MTARC1: variants seen among roughly 807,000 people sequenced by gnomAD.
MTARC1 encodes mitochondrial amidoxime reducing component 1, also known as mitochondrial amidoxime-reducing component 1.
In MTARC1, 24 loss-of-function variants were observed where a neutral mutation model predicts 33.6. The observed-to-expected ratio is 0.72, with a 90% CI of 0.52 to 1.01. MTARC1 has a LOEUF of 1.01. MTARC1 is among the 50% of genes least tolerant of loss of function. The pLI is 0.00. For missense variants in MTARC1, 417 were observed against 445.7 expected (o/e 0.94, Z 0.58); for synonymous variants, 187 against 189.5 (o/e 0.99, Z 0.11).
intron 6 of MTARC1, among the ~76,000 whole-genome samples, chr1:220,812,658 A>C (rs1673171327): frequency 6.6e-6 from 1 of 152,162 alleles, no homozygotes; most frequent in Non-Finnish European, 1.5e-5. Flanking sequence ...ACAGACATGG[A>C]GGAGACAGGA....
intron 6 of MTARC1, among the ~76,000 whole-genome samples, chr1:220,812,042 C>G (rs1373584479): frequency 6.6e-6 from 1 of 152,170 alleles, no homozygotes; most frequent in African/African-American, 2.4e-5. Context: ...GGGGGAATTA[C>G]TCGTAGCTGG....
At chr1:220,794,796 C>T (rs1672551101) in intron 2 of MTARC1, among the ~76,000 whole-genome samples, 1 of 152,102 alleles carries the variant, frequency 6.6e-6, no homozygotes, top group Non-Finnish European at 1.5e-5. Flanking sequence ...TATTTCAGCC[C>T]TCTGATTCTC....
intron 1 of MTARC1, among the ~76,000 whole-genome samples, chr1:220,789,055 C>A (rs77200530): frequency 7.9e-6 from 1 of 125,860 alleles, no homozygotes; most frequent in Non-Finnish European, 1.7e-5. Flanking sequence ...TAGGTTGTGA[C>A]TAGACTAAAC....
intron 1 of MTARC1, among the ~76,000 whole-genome samples, chr1:220,789,727 A>G (rs1008045481): frequency 3.3e-5 from 5 of 152,268 alleles, no homozygotes; most frequent in African/African-American, 1.2e-4. Context: ...AATATTATTC[A>G]GCCATGAAAA....
intron 4 of MTARC1, 93 bp from the exon 5 acceptor site, chr1:220,804,959 A>C: frequency 1.5e-6 from 2 of 1,349,038 alleles, no homozygotes; most frequent in Non-Finnish European, 2.1e-6. Context: ...TGTGGGTGAC[A>C]TCGTTAGGTG....
intron 6 of MTARC1, among the ~76,000 whole-genome samples, chr1:220,812,383 C>G (rs1222801073): frequency 6.6e-6 from 1 of 152,170 alleles, no homozygotes; most frequent in African/African-American, 2.4e-5. Context: ...ACAATTAAAA[C>G]AGTGATATAG....
At chr1:220,798,359 GT>G (rs1672687433) in intron 4 of MTARC1, 1 of 1,204,090 alleles carries the variant, frequency 8.3e-7, no homozygotes, top group African/African-American at 1.6e-5. Context: ...CTCCTGTCTT[GT>G]TAAAGGATGG....
Position 220,813,733 on chromosome 1 carries a change from C to A in MTARC1, c.*315C>A. On this transcript the variant is annotated 3_prime_UTR_variant, in exon 7 of 7. Transcript: ENST00000366910. ...TGCTTCTCCGTTTATCTACCAAGAG[C>A]GCAGACTTGCATCCTGTCACTACCA... is the stretch of plus-strand genomic sequence containing the variant. 3.6e-6 allele frequency: 1 copy of A among 278,294 alleles called. No individual in the cohort carries two copies. The highest frequency in any genetic ancestry group is 7.0e-6 in the Non-Finnish European group (1 of 142,412). The allele number at this position is 278,294 out of a possible 1,614,324, so 17.2% of individuals were successfully genotyped here. A position where few individuals can be genotyped will look rare whatever the true frequency, so the allele number is the denominator to read the frequency against.
rs1672417879 is a variant in MTARC1 at position 220,791,507 on chromosome 1, A to G, written c.292A>G (p.Asn98Asp). ...NLRDRFWLVI[N>D]QEGNMVTARQ... ...AAACGGCAGGTTTTGGCTTGTGATC[A>G]ACCAGGAGGGAAACATGGTTACTGC... Residue 98 changes from asparagine (N) to aspartate (D), a missense_variant, in exon 2 of 7, where the codon AAC becomes GAC. By Grantham distance (23) the Asn-to-Asp change is conservative. Coordinates refer to ENST00000366910, the MANE Select transcript of MTARC1 (RefSeq NM_022746.4). 1 of 1,613,972 alleles carries G rather than the reference A, an allele frequency of 6.2e-7. No individual in the cohort carries two copies.
chr1:220,796,077 T>C (rs936493442), intron 2 of MTARC1, among the ~76,000 whole-genome samples: 2 of 152,182 alleles, frequency 1.3e-5, no homozygotes, highest in Non-Finnish European at 2.9e-5. Context: ...TACAAAGTTA[T>C]AACTTGCAAT....
chr1:220,818,019 A>G lies in MTARC1; in HGVS notation c.*4601A>G, dbSNP rs1368367933. 1 of 152,248 alleles carries G rather than the reference A, an allele frequency of 6.6e-6. No homozygotes were observed. The highest frequency in any genetic ancestry group is 6.5e-5 in the Admixed American group (1 of 15,288). The allele number at this position is 152,248 out of a possible 1,614,324, so 9.4% of individuals were successfully genotyped here. ...GCACTACTGTGCTTTGCTGTCTGCA[A>G]GAACAGAGATTGTTTGCTTCAACCA... On this transcript the variant is annotated 3_prime_UTR_variant, in exon 7 of 7. Transcript: ENST00000366910.
rs12026877 is a variant in MTARC1 at position 220,791,757 on chromosome 1, T to C, written c.449+93T>C. The C allele has an allele frequency of 8.3e-3, 11,489 of 1,387,710 alleles. 151 individuals carry two copies. Among genetic ancestry groups the C allele is most frequent in the East Asian group, 0.057 (2,413 of 42,236 alleles). The allele number at this position is 1,387,710 out of a possible 1,614,324, so 86.0% of individuals were successfully genotyped here. Reference sequence around the variant, plus strand: ...TCTAGAGGGAATGCTGAGAAACATATCAATAATGAACCGTTGATTGCATGT... The same window carrying C: ...TCTAGAGGGAATGCTGAGAAACATACCAATAATGAACCGTTGATTGCATGT... On this transcript the variant is annotated intron_variant, in intron 2 of 6. Coordinates refer to ENST00000366910, the MANE Select transcript of MTARC1 (RefSeq NM_022746.4).
At chr1:220,803,937 C>G (rs1055399319) in intron 4 of MTARC1, among the ~76,000 whole-genome samples, 2 of 152,114 alleles carry the variant, frequency 1.3e-5, no homozygotes, top group Admixed American at 6.5e-5. Context: ...TACGATAGAA[C>G]AAAACCCCTG....
intron 3 of MTARC1, 34 bp downstream of exon 3, chr1:220,796,839 C>T (rs770309720): frequency 1.3e-6 from 2 of 1,559,430 alleles, no homozygotes; most frequent in Non-Finnish European, 1.7e-6. Context: ...GGGTAGAAAG[C>T]AGTCACCCCC....
At chr1:220,811,736 C>T (rs182800443) in intron 6 of MTARC1, among the ~76,000 whole-genome samples, 86 of 152,286 alleles carry the variant, frequency 5.6e-4, no homozygotes, top group African/African-American at 2.0e-3. Flanking sequence ...ATGTGAGTCC[C>T]ACACATCTGC....
rs769306937 is a variant in MTARC1 at position 220,796,680 on chromosome 1, G to A, written c.487G>A (p.Glu163Lys). ...GGAGATAGAGGGCAGGGACTGTGGCGAGGCCACCGCCCAGTGGATAACCAG... is the reference window on the plus strand; with the variant it reads ...GGAGATAGAGGGCAGGGACTGTGGCAAGGCCACCGCCCAGTGGATAACCAG... ...GLEIEGRDCGEATAQWITSFL... is the reference protein window; with the variant it reads ...GLEIEGRDCGKATAQWITSFL... The change falls in exon 3 of 7, where the codon GAG becomes AAG. Residue 163 changes from glutamate (E) to lysine (K), a missense_variant. Coordinates refer to ENST00000366910, the MANE Select transcript of MTARC1 (RefSeq NM_022746.4). 5.0e-6 allele frequency: 8 copies of A among 1,610,930 alleles called. No individual in the cohort carries two copies. The highest frequency in any genetic ancestry group is 2.7e-5 in the African/African-American group (2 of 74,740).
intron 4 of MTARC1, among the ~76,000 whole-genome samples, chr1:220,799,622 A>G (rs1672724150): frequency 6.6e-6 from 1 of 152,150 alleles, no homozygotes; most frequent in Non-Finnish European, 1.5e-5. Context: ...CCTATCTTAC[A>G]GGAGAGAAGA....
At chr1:220,793,967 A>G (rs1258654573) in intron 2 of MTARC1, 1 of 152,236 alleles carries the variant, frequency 6.6e-6, no homozygotes, top group Non-Finnish European at 1.5e-5. Context: ...GTTCTGGGTG[A>G]TTATGAACCT....
intron 6 of MTARC1, among the ~76,000 whole-genome samples, chr1:220,810,079 T>C (rs114945063): frequency 0.015 from 2,211 of 152,338 alleles, 45 homozygotes; most frequent in African/African-American, 0.05. Flanking sequence ...AAATAAAGTG[T>C]CTTGGGCTTC....
Sources: allele counts gnomAD v4.1 joint callset (sites outside exome capture counted in the v4.1 genomes callset), GRCh38; gene constraint gnomAD v4.1.1; transcripts MANE v1.5; gene names NCBI Gene and HGNC (gene_info 2026-07-23, HGNC 2026-07-21).